TUBE1: variants seen among roughly 807,000 people sequenced by gnomAD.
The protein encoded by TUBE1 is tubulin epsilon chain.
In TUBE1, 34 loss-of-function variants were observed where a neutral mutation model predicts 53.5. The ratio of observed to expected loss-of-function variants is 0.64; its 90% CI spans 0.48 to 0.85. The LOEUF (loss-of-function observed/expected upper bound fraction) is 0.85. Ranked by LOEUF, TUBE1 falls within the 40% of genes least tolerant of loss-of-function variation. TUBE1 has a pLI of 0.00. For synonymous variants in TUBE1, 177 were observed against 198.4 expected, an observed-to-expected ratio of 0.89 and a Z score of 0.91; for missense variants, 532 against 570.5, an observed-to-expected ratio of 0.93 and a Z score of 0.69.
rs267600765 is a variant in TUBE1 at position 112,079,752 on chromosome 6, G to A, written c.329C>T (p.Ala110Val). ...ACTGCCGAAAACTTTGTGACCCACG[G>A]CCCTGAAAATTAGAATATGGATTTT... ...TDISGSGNNW[A>V]VGHKVFGSLY... is the part of the protein sequence containing the mutation. Residue 110 changes from alanine to valine, a missense_variant and splice_region_variant, in exon 6 of 12, where the codon GCC becomes GTC. Coordinates refer to ENST00000368662, the MANE Select transcript of TUBE1 (RefSeq NM_016262.5). 5 of 1,597,118 alleles carry A rather than the reference G, an allele frequency of 3.1e-6. No homozygotes were observed. The highest frequency in any genetic ancestry group is 1.4e-5 in the African/African-American group (1 of 73,410).
In TUBE1 at chr6:112,071,917, C is replaced by A; in HGVS notation, c.1254G>T (p.Arg418Ser). The change falls in exon 11 of 12, where the codon AGG becomes AGT. Residue 418 changes from arginine (R) to serine (S), a missense_variant. Transcript: ENST00000368662. Reference protein sequence around the residue: ...TFMELKERFMRLYKKKAHLHH... With the variant: ...TFMELKERFMSLYKKKAHLHH... ...CAATAATTACCTTTTTCTTGTAGAG[C>A]CTCATGAATCTCTCTTTCAGTTCCA... The A allele has an allele frequency of 6.2e-7, 1 of 1,601,306 alleles. No homozygotes were observed. The highest frequency in any genetic ancestry group is 1.1e-5 in the South Asian group (1 of 88,132).
At position 112,076,107 on chromosome 6, in the gene TUBE1, T is replaced by C. The variant is rs782660164; in HGVS notation, c.642A>G (p.Leu214=). ...DCVLPIDNQS[L]FDIISKIDLM... ...GGTCGATTTTGCTAATGATGTCAAA[T>C]AAAGACTTTTGAGGGAAAAACATTG... Residue 214 remains leucine, a synonymous_variant, in exon 8 of 12, where the codon TTA becomes TTG. Transcript: ENST00000368662. 13 of 1,610,890 alleles carry C rather than the reference T, an allele frequency of 8.1e-6. No homozygotes were observed. In the African/African-American group the frequency reaches 1.7e-4, roughly 22 times the overall value.
chr6:112,086,393 G>A (rs1485524239), intron 3 of TUBE1, among the ~76,000 whole-genome samples, 163 bp downstream of exon 3: 1 of 152,150 alleles, frequency 6.6e-6, no homozygotes, highest in Non-Finnish European at 1.5e-5. Flanking sequence ...TCGGGAAAAT[G>A]ATATAAGAAT....
At chr6:112,071,757 G>T in intron 11 of TUBE1, 145 bp downstream of exon 11, 1 of 949,500 alleles carries the variant, frequency 1.1e-6, no homozygotes, top group Non-Finnish European at 1.5e-6. Flanking sequence ...AAAGTAGCAT[G>T]AGTAAGCCTC....
intron 4 of TUBE1, 93 bp downstream of exon 4, chr6:112,084,096 T>C (rs1777112429): frequency 9.4e-7 from 1 of 1,058,662 alleles, no homozygotes; most frequent in Non-Finnish European, 1.4e-6. Flanking sequence ...TTTTCTACTT[T>C]GAAAAGTTTA....
At chr6:112,079,538 A>G (rs1777034396) in intron 6 of TUBE1, 95 bp downstream of exon 6, 1 of 1,290,338 alleles carries the variant, frequency 7.7e-7, no homozygotes, top group Admixed American at 2.0e-5. Context: ...TTCTATCTTT[A>G]TCAAGCACAG....
intron 9 of TUBE1, among the ~76,000 whole-genome samples, chr6:112,073,768 A>C (rs1776907713): frequency 6.6e-6 from 1 of 152,204 alleles, no homozygotes; most frequent in Non-Finnish European, 1.5e-5. Flanking sequence ...AACTTTTAAA[A>C]AATTATTTTC....
intron 10 of TUBE1, 134 bp from the exon 11 acceptor site, chr6:112,072,210 A>C (rs1554315461): frequency 1.6e-5 from 10 of 618,852 alleles, no homozygotes; most frequent in Non-Finnish European, 1.8e-5. Flanking sequence ...TTAGACGCTA[A>C]GTTATCTATT....
chr6:112,079,608 C>T, intron 6 of TUBE1, 25 bp downstream of exon 6: 1 of 1,608,580 alleles, frequency 6.2e-7, no homozygotes, highest in Non-Finnish European at 8.5e-7. Context: ...AACACTGTTA[C>T]AGGCAAATGA....
At chr6:112,077,946 G>A (rs2114484827) in intron 6 of TUBE1, 1 of 151,988 alleles carries the variant, frequency 6.6e-6, no homozygotes, top group African/African-American at 2.4e-5. Flanking sequence ...CCACGAAATG[G>A]GCAAAGGATA....
At position 112,087,217 on chromosome 6, in the gene TUBE1, G is replaced by GGCGGCGGGCGGGTACCTGGTTGACC; in HGVS notation, c.90_99+15dup. 1 of 1,549,594 alleles carries GGCGGCGGGCGGGTACCTGGTTGACC rather than the reference G, an allele frequency of 6.5e-7. No individual in the cohort carries two copies. The highest frequency in any genetic ancestry group is 1.4e-5 in the African/African-American group (1 of 73,128). On this transcript the variant is annotated intron_variant, in intron 2 of 11. Coordinates refer to ENST00000368662, the MANE Select transcript of TUBE1 (RefSeq NM_016262.5). Reference sequence around the variant, plus strand: ...CTAGCTGACAGGCGAGGGGGCTCGCGGCGGCGGGCGGGTACCTGGTTGACC... The same window carrying GGCGGCGGGCGGGTACCTGGTTGACC: ...CTAGCTGACAGGCGAGGGGGCTCGCGGCGGCGGGCGGGTACCTGGTTGACCGCGGCGGGCGGGTACCTGGTTGACC...
At position 112,071,364 on chromosome 6, in the gene TUBE1, C is replaced by A; in HGVS notation, c.*48G>T. On this transcript the variant is annotated 3_prime_UTR_variant, in exon 12 of 12. Transcript: ENST00000368662. ...TACAAAAATGTTGAAACAGAAAGGT[C>A]AGAAAAAACAATGTGAAATTAAGAA... 1.4e-6 allele frequency: 2 copies of A among 1,421,916 alleles called. No homozygotes were observed. Among genetic ancestry groups the A allele is most frequent in the South Asian group, 1.8e-5 (1 of 55,246 alleles). 88.1% of individuals were successfully genotyped at this position (1,421,916 alleles called of 1,614,324 possible).
Position 112,074,737 on chromosome 6 carries a change from A to G in TUBE1, c.926T>C (p.Leu309Pro), listed in dbSNP as rs1395124625. Residue 309 changes from leucine to proline, a missense_variant, in exon 9 of 12, where the codon CTG (leucine) becomes CCG (proline). By Grantham distance (98) the Leu-to-Pro change is moderately conservative. Coordinates refer to ENST00000368662, the MANE Select transcript of TUBE1 (RefSeq NM_016262.5). ...LVSSLTPLYTLTDVNIPPRRL... is the reference protein window; with the variant it reads ...LVSSLTPLYTPTDVNIPPRRL... ...TCTAGGAGGAATGTTAACATCTGTC[A>G]GTGTATACAGAGGTGTTAGGCTTGA... 1.3e-6 allele frequency: 2 copies of G among 1,560,674 alleles called. No individual in the cohort carries two copies. Among genetic ancestry groups the G allele is most frequent in the Non-Finnish European group, 1.7e-6 (2 of 1,156,920 alleles).
intron 2 of TUBE1, 73 bp downstream of exon 2, chr6:112,087,160 G>A: frequency 7.5e-7 from 1 of 1,341,700 alleles, no homozygotes; most frequent in African/African-American, 1.5e-5. Context: ...GAAAGCTCAA[G>A]TCGATTATTT....
At chr6:112,085,451 T>TA in intron 3 of TUBE1, 1 of 323,614 alleles carries the variant, frequency 3.1e-6, no homozygotes, top group Non-Finnish European at 6.1e-6. Context: ...CTCAACTATG[T>TA]AATACTCAAT....
chr6:112,080,890 C>A (rs1554316677), intron 5 of TUBE1, among the ~76,000 whole-genome samples: 1 of 152,092 alleles, frequency 6.6e-6, no homozygotes, highest in African/African-American at 2.4e-5. Flanking sequence ...TTTCATAATT[C>A]TTCTTTTTCT....
chr6:112,077,514 G>C (rs1776991871), intron 6 of TUBE1: 1 of 152,078 alleles, frequency 6.6e-6, no homozygotes, highest in African/African-American at 2.4e-5. Context: ...GTCAGATGTA[G>C]TATGAGTAAA....
rs782728709 is a variant in TUBE1 at position 112,074,805 on chromosome 6, G to A, written c.858C>T (p.Ile286=). The change falls in exon 9 of 12, where the codon ATC becomes ATT. Residue 286 remains isoleucine, a synonymous_variant. Transcript: ENST00000368662. ...GAGGAAAAGGAACTAAATTCATGCTGATTTCATTAAGGTCCATATTAAGGG... is the reference window on the plus strand; with the variant it reads ...GAGGAAAAGGAACTAAATTCATGCTAATTTCATTAAGGTCCATATTAAGGG... ...EGSLNMDLNE[I]SMNLVPFPQL... 6.8e-6 allele frequency: 11 copies of A among 1,607,796 alleles called. No individual in the cohort carries two copies. Among genetic ancestry groups the A allele is most frequent in the Admixed American group, 1.7e-5 (1 of 59,196 alleles).
chr6:112,085,654 C>A (rs751395729), intron 3 of TUBE1: 1 of 471,238 alleles, frequency 2.1e-6, no homozygotes, highest in Non-Finnish European at 4.4e-6. Context: ...ATAAATGATA[C>A]CAGCCATTAA....
Sources: allele counts gnomAD v4.1 joint callset (sites outside exome capture counted in the v4.1 genomes callset), GRCh38; gene constraint gnomAD v4.1.1; transcripts MANE v1.5; gene names NCBI Gene and HGNC (gene_info 2026-07-23, HGNC 2026-07-21).